C11orf97: variants seen among roughly 807,000 people sequenced by gnomAD.
C11orf97 encodes uncharacterized protein C11orf97.
A neutral mutation model predicts 16.2 loss-of-function variants in C11orf97; 15 were observed. The ratio of observed to expected loss-of-function variants is 0.93; its 90% CI spans 0.62 to 1.43. C11orf97 has a LOEUF of 1.43. Among genes scored for constraint, C11orf97 ranks in the 40% most tolerant of loss-of-function variants. The pLI, the probability that C11orf97 is intolerant of heterozygous loss-of-function variation, is 0.00. For missense variants in C11orf97, 171 were observed against 161.2 expected (o/e 1.06, Z -0.33); for synonymous variants, 61 against 65.7 (o/e 0.93, Z 0.34).
At chr11:94,519,702 TA>T (rs1209176855) in intron 2 of C11orf97, among the ~76,000 whole-genome samples, 2 of 152,272 alleles carry the variant, frequency 1.3e-5, no homozygotes, top group African/African-American at 4.8e-5. Flanking sequence ...GGTACTATTT[TA>T]GCCTAGAAAA....
At chr11:94,522,405 C>T (rs71460619) in intron 2 of C11orf97, among the ~76,000 whole-genome samples, 4,520 of 152,130 alleles carry the variant, frequency 0.03, 154 homozygotes, top group African/African-American at 0.081. Flanking sequence ...GGCGTGGTGG[C>T]GGGTGCCTGT....
At position 94,519,111 on chromosome 11, in the gene C11orf97, T is replaced by A. The variant is rs534593695; in HGVS notation, c.250+1424T>A. 4.6e-5 allele frequency among the ~76,000 whole-genome samples: 7 copies of A among 152,256 alleles called. No homozygotes were observed. The South Asian group carries it at 1.5e-3, about 32-fold the overall frequency. On this transcript the variant is annotated intron_variant, in intron 2 of 3. Coordinates refer to ENST00000542198, the MANE Select transcript of C11orf97 (RefSeq NM_001190462.2). Reference sequence around the variant, plus strand: ...TTTTAGTAGAGATGGGGTTTCACCATGTTGGTCAGGTTGGTCTTGAACTCC... The same window carrying A: ...TTTTAGTAGAGATGGGGTTTCACCAAGTTGGTCAGGTTGGTCTTGAACTCC...
chr11:94,512,522 C>A lies in C11orf97; in HGVS notation c.-7C>A. The A allele has an allele frequency of 1.5e-6, 2 of 1,303,784 alleles. No individual in the cohort carries two copies. The highest frequency in any genetic ancestry group is 1.9e-6 in the Non-Finnish European group (2 of 1,026,108). 80.8% of individuals were successfully genotyped at this position (1,303,784 alleles called of 1,614,324 possible). A position where few individuals can be genotyped will look rare whatever the true frequency, so the allele number is the denominator to read the frequency against. ...CGTGCCCAGGGCTCTCGGAAGACCG[C>A]TGCGGCATGACAGGCGAGGAGGCGG... On this transcript the variant is annotated 5_prime_UTR_variant, in exon 1 of 4. It adds an upstream start codon to the 5' untranslated region. Coordinates refer to ENST00000542198, the MANE Select transcript of C11orf97 (RefSeq NM_001190462.2).
intron 3 of C11orf97, among the ~76,000 whole-genome samples, chr11:94,529,513 G>A (rs1947722902): frequency 6.6e-6 from 1 of 152,184 alleles, no homozygotes; most frequent in South Asian, 2.1e-4. Context: ...ATACAGTTAT[G>A]TAATCCACAT....
chr11:94,527,448 T>G (rs1481907840), intron 2 of C11orf97, among the ~76,000 whole-genome samples: 1 of 152,200 alleles, frequency 6.6e-6, no homozygotes, highest in Non-Finnish European at 1.5e-5. Flanking sequence ...GATTTTAGGA[T>G]ATGGAGGATA....
At chr11:94,515,864 A>G (rs539773490) in intron 1 of C11orf97, among the ~76,000 whole-genome samples, 9 of 152,214 alleles carry the variant, frequency 5.9e-5, no homozygotes, top group Admixed American at 5.9e-4. Context: ...GCATTTTCCT[A>G]GCACCAGGGC....
chr11:94,531,877 CTTT>C lies in C11orf97; in HGVS notation c.377-11_377-9del. 2 of 1,307,832 alleles carry C rather than the reference CTTT, an allele frequency of 1.5e-6. No individual in the cohort carries two copies. Among genetic ancestry groups the C allele is most frequent in the Non-Finnish European group, 1.0e-6 (1 of 996,884 alleles). The allele number at this position is 1,307,832 out of a possible 1,614,324, so 81.0% of individuals were successfully genotyped here. A position where few individuals can be genotyped will look rare whatever the true frequency, so the allele number is the denominator to read the frequency against. ...CCGAAGTAAAACACTTATTTTTTCA[CTTT>C]TTTTTTTAACTCTAGGATAAGATGA... On this transcript the variant is annotated splice_polypyrimidine_tract_variant and intron_variant, in intron 3 of 3. Transcript: ENST00000542198.
In C11orf97 at chr11:94,512,503, C is replaced by T; in HGVS notation, c.-26C>T. 1 of 1,279,310 alleles carries T rather than the reference C, an allele frequency of 7.8e-7. No individual in the cohort carries two copies. Among genetic ancestry groups the T allele is most frequent in the Non-Finnish European group, 9.9e-7 (1 of 1,012,884 alleles). The allele number at this position is 1,279,310 out of a possible 1,614,324, so 79.2% of individuals were successfully genotyped here. ...ACTGAGCTGAGAAGGAAACCGTGCC[C>T]AGGGCTCTCGGAAGACCGCTGCGGC... is the stretch of plus-strand genomic sequence containing the variant. On this transcript the variant is annotated 5_prime_UTR_variant, in exon 1 of 4. Coordinates refer to ENST00000542198, the MANE Select transcript of C11orf97 (RefSeq NM_001190462.2).
At chr11:94,523,206 C>T (rs1275333344) in intron 2 of C11orf97, among the ~76,000 whole-genome samples, 1 of 152,210 alleles carries the variant, frequency 6.6e-6, no homozygotes, top group Non-Finnish European at 1.5e-5. Context: ...CCTGCCTGGC[C>T]TCTTCCTATG....
At chr11:94,519,663 A>T (rs1947642409) in intron 2 of C11orf97, among the ~76,000 whole-genome samples, 1 of 152,264 alleles carries the variant, frequency 6.6e-6, no homozygotes, top group African/African-American at 2.4e-5. Flanking sequence ...GCTGCTTTTT[A>T]AAATAACATC....
At chr11:94,530,124 T>A (rs1947727260) in intron 3 of C11orf97, among the ~76,000 whole-genome samples, 1 of 152,244 alleles carries the variant, frequency 6.6e-6, no homozygotes, top group African/African-American at 2.4e-5. Flanking sequence ...AAATGCATGT[T>A]TCATTTTGAT....
intron 2 of C11orf97, among the ~76,000 whole-genome samples, chr11:94,524,835 G>A (rs1947687146): frequency 6.6e-6 from 1 of 152,040 alleles, no homozygotes. Context: ...AAGGCAGGCC[G>A]ATCACATGAG....
chr11:94,516,338 T>C (rs752350076), intron 1 of C11orf97, among the ~76,000 whole-genome samples: 4 of 152,236 alleles, frequency 2.6e-5, no homozygotes, highest in African/African-American at 4.8e-5. Context: ...TAGGTTTTCA[T>C]TGGTTCCTTG....
Position 94,528,185 on chromosome 11 carries a change from T to C in C11orf97, c.352T>C (p.Tyr118His), listed in dbSNP as rs1201857338. 1.3e-6 allele frequency: 2 copies of C among 1,535,692 alleles called. No homozygotes were observed. Among genetic ancestry groups the C allele is most frequent in the Non-Finnish European group, 1.7e-6 (2 of 1,146,752 alleles). Residue 118 changes from tyrosine (Y) to histidine (H), a missense_variant, in exon 3 of 4, where the codon TAC becomes CAC. Physicochemically the swap from Tyr to His is moderately conservative, Grantham distance 83. Transcript: ENST00000542198. ...CAGTTTATTGCCACAAGCCAAGTAC[T>C]ACTCCAGGCACGGAGGACTCAGAAG... Reference protein sequence around the residue: ...RNSLLPQAKYYSRHGGLRR With the variant: ...RNSLLPQAKYHSRHGGLRR
At chr11:94,529,561 G>T (rs899319466) in intron 3 of C11orf97, among the ~76,000 whole-genome samples, 1 of 152,094 alleles carries the variant, frequency 6.6e-6, no homozygotes, top group Non-Finnish European at 1.5e-5. Flanking sequence ...CCATTTTCTG[G>T]GTAAGAAAAC....
rs939552171 is a variant in C11orf97 at position 94,512,642 on chromosome 11, C to A, written c.114C>A (p.Pro38=). Residue 38 remains proline, a synonymous_variant, in exon 1 of 4, where the codon CCC becomes CCA. Transcript: ENST00000542198. The part of the protein sequence containing the change: ...AGLGCGARGE[P]GRGPLEHGQQ... ...TGGGGTGCGGGGCGCGCGGGGAACC[C>A]GGCCGCGGCCCCCTAGAGCACGGCC... The A allele has an allele frequency of 1.6e-6, 2 of 1,252,320 alleles. No individual in the cohort carries two copies. Among genetic ancestry groups the A allele is most frequent in the Middle Eastern group, 6.2e-4 (2 of 3,250 alleles). The allele number at this position is 1,252,320 out of a possible 1,614,324, so 77.6% of individuals were successfully genotyped here.
intron 1 of C11orf97, among the ~76,000 whole-genome samples, chr11:94,517,132 A>T (rs1461785268): frequency 6.6e-6 from 1 of 152,220 alleles, no homozygotes; most frequent in Non-Finnish European, 1.5e-5. Flanking sequence ...ATCTTTTAAA[A>T]TGTCGATTTT....
chr11:94,512,618 G>A lies in C11orf97; in HGVS notation c.90G>A (p.Leu30=). 1 of 1,264,490 alleles carries A rather than the reference G, an allele frequency of 7.9e-7. No individual in the cohort carries two copies. Among genetic ancestry groups the A allele is most frequent in the Non-Finnish European group, 1.0e-6 (1 of 1,003,998 alleles). The allele number at this position is 1,264,490 out of a possible 1,614,324, so 78.3% of individuals were successfully genotyped here. A position where few individuals can be genotyped will look rare whatever the true frequency, so the allele number is the denominator to read the frequency against. Residue 30 remains leucine, a synonymous_variant, in exon 1 of 4, where the codon CTG becomes CTA. Transcript: ENST00000542198. ...EEEQPPPPAG[L]GCGARGEPGR... ...AGCAGCCTCCTCCGCCAGCAGGGCT[G>A]GGGTGCGGGGCGCGCGGGGAACCCG... is the stretch of plus-strand genomic sequence containing the variant.
At position 94,512,601 on chromosome 11, in the gene C11orf97, C is replaced by T; in HGVS notation, c.73C>T (p.Pro25Ser). 1 of 1,278,070 alleles carries T rather than the reference C, an allele frequency of 7.8e-7. No individual in the cohort carries two copies. Among genetic ancestry groups the T allele is most frequent in the Non-Finnish European group, 9.9e-7 (1 of 1,011,704 alleles). The allele number at this position is 1,278,070 out of a possible 1,614,324, so 79.2% of individuals were successfully genotyped here. A position where few individuals can be genotyped will look rare whatever the true frequency, so the allele number is the denominator to read the frequency against. Residue 25 changes from proline (P) to serine (S), a missense_variant, in exon 1 of 4, where the codon CCT (proline) becomes TCT (serine). Coordinates refer to ENST00000542198, the MANE Select transcript of C11orf97 (RefSeq NM_001190462.2). ...PKAGREEEQPPPPAGLGCGAR... is the reference protein window; with the variant it reads ...PKAGREEEQPSPPAGLGCGAR... ...GGCGGGTCGCGAAGAGGAGCAGCCT[C>T]CTCCGCCAGCAGGGCTGGGGTGCGG...
Sources: gnomAD v4.1 joint callset for allele counts (sites outside exome capture counted in the v4.1 genomes callset) on GRCh38, gnomAD v4.1.1 for gene constraint, MANE v1.5 for transcripts, NCBI Gene and HGNC (gene_info 2026-07-23, HGNC 2026-07-21) for gene names.